Variants in PFAS observed in about 807,000 individuals in gnomAD.
PFAS encodes phosphoribosylformylglycinamidine synthase.
In PFAS, 97 loss-of-function variants were observed where a neutral mutation model predicts 140.6. The observed-to-expected ratio is 0.69, with a 90% CI of 0.59 to 0.82. PFAS has a LOEUF of 0.82. Among genes scored for constraint, PFAS ranks in the 40% least tolerant of loss-of-function variants. PFAS has a pLI of 0.00. For missense variants in PFAS, 1,656 were observed against 1,780.2 expected (o/e 0.93, Z 1.26); for synonymous variants, 679 against 718.8 (o/e 0.94, Z 0.88).
chr17:8,257,785 G>C, intron 9 of PFAS, 22 bp from the exon 10 acceptor site: 2 of 1,613,526 alleles, frequency 1.2e-6, no homozygotes, highest in African/African-American at 1.3e-5. Flanking sequence ...AGTTCATCCA[G>C]TTCTCTCTCC....
Position 8,266,925 on chromosome 17 carries a change from T to A in PFAS, c.2967+27T>A, listed in dbSNP as rs769810583. On this transcript the variant is annotated intron_variant, in intron 23 of 27. Transcript: ENST00000314666. The surrounding 1 kb of genome is among the most constrained non-coding windows in gnomAD (Gnocchi z 5.0). Reference sequence around the variant, plus strand: ...TGAGGAAGTGAGGGAGAGAGCGGTGTGCAGTGGGCAGTCAGAGTGGGGTGG... The same window carrying A: ...TGAGGAAGTGAGGGAGAGAGCGGTGAGCAGTGGGCAGTCAGAGTGGGGTGG... The A allele has an allele frequency of 6.9e-6, 11 of 1,598,768 alleles. No individual in the cohort carries two copies. Among genetic ancestry groups the A allele is most frequent in the Non-Finnish European group, 9.4e-6 (11 of 1,175,186 alleles).
intron 2 of PFAS, 22 bp from the exon 3 acceptor site, chr17:8,254,144 T>C (rs1989265600): frequency 6.2e-7 from 1 of 1,614,058 alleles, no homozygotes; most frequent in Non-Finnish European, 8.5e-7. Flanking sequence ...TCTCAAGGTG[T>C]CCTTGCCCTG....
Position 8,263,111 on chromosome 17 carries a change from G to A in PFAS, c.1413G>A (p.Val471=). ...AGCTATGCCATATATGCCCCCAGGT[G>A]CAGGGAGATAACACCAGTGACCTGG... ...VGGGAASSVQ[V]QGDNTSDLDF... Residue 471 remains valine (V), a splice_region_variant and synonymous_variant, in exon 13 of 28, where the codon GTG becomes GTA. Transcript: ENST00000314666. 3 of 1,613,912 alleles carry A rather than the reference G, an allele frequency of 1.9e-6. No individual in the cohort carries two copies. The highest frequency in any genetic ancestry group is 2.5e-6 in the Non-Finnish European group (3 of 1,179,782).
rs1989390305 is a variant in PFAS, at chr17:8,256,896, C to T, written c.1008C>T (p.Cys336=). The change falls in exon 9 of 28, where the codon TGC becomes TGT. Residue 336 remains cysteine, a synonymous_variant. Coordinates refer to ENST00000314666, the MANE Select transcript of PFAS (RefSeq NM_012393.3). Reference sequence around the variant, plus strand: ...GGGGCCGGATTCGAGATGTCCAGTGCACAGGCCGCGGGGCCCACGTGGTGG... The same window carrying T: ...GGGGCCGGATTCGAGATGTCCAGTGTACAGGCCGCGGGGCCCACGTGGTGG... ...GTGGRIRDVQ[C]TGRGAHVVAG... is the part of the protein sequence containing the mutation. 6.2e-7 allele frequency: 1 copy of T among 1,614,014 alleles called. No homozygotes were observed. Among genetic ancestry groups the T allele is most frequent in the Middle Eastern group, 1.7e-4 (1 of 6,060 alleles).
At chr17:8,248,032 G>A, upstream of PFAS, 1 of 1,428,298 alleles carries the variant, frequency 7.0e-7, no homozygotes, top group Middle Eastern at 2.0e-4. Context: ...CCGGCCAGCC[G>A]CCATGATGCG....
At chr17:8,259,114 C>T (rs1385794772) in intron 11 of PFAS, among the ~76,000 whole-genome samples, 2 of 142,278 alleles carry the variant, frequency 1.4e-5, no homozygotes, top group Non-Finnish European at 3.1e-5. Context: ...CCACTGCGAT[C>T]GCACCACTGT....
chr17:8,268,372 C>CAA (rs372234499), intron 26 of PFAS, among the ~76,000 whole-genome samples, 161 bp from the exon 27 acceptor site: 3 of 40,898 alleles, frequency 7.3e-5, no homozygotes, highest in African/African-American at 1.9e-4. Context: ...GATTCCATCT[C>CAA]AAAAAAAAAA....
rs1989680976 is a variant in PFAS at position 8,263,575 on chromosome 17, G to A, written c.1568G>A (p.Gly523Asp). The A allele has an allele frequency of 1.2e-6, 2 of 1,613,664 alleles. No individual in the cohort carries two copies. The highest frequency in any genetic ancestry group is 1.7e-6 in the Non-Finnish European group (2 of 1,179,614). Reference sequence around the variant, plus strand: ...CTTCTCCTTGCAACCCTCTCACCAGGCAATGTCCTAAAAGAGCTGAGTGAC... The same window carrying A: ...CTTCTCCTTGCAACCCTCTCACCAGACAATGTCCTAAAAGAGCTGAGTGAC... ...SLHDQGAGGN[G>D]NVLKELSDPA... Residue 523 changes from glycine (G) to aspartate (D), a missense_variant and splice_region_variant, in exon 14 of 28, where the codon GGC becomes GAC. By Grantham distance (94) the Gly-to-Asp change is moderately conservative (BLOSUM62 -1). Transcript: ENST00000314666.
At chr17:8,253,632 C>T (rs1167929150) in intron 1 of PFAS, among the ~76,000 whole-genome samples, 1 of 152,100 alleles carries the variant, frequency 6.6e-6, no homozygotes, top group East Asian at 1.9e-4. Flanking sequence ...CTCTGCCTCC[C>T]GGGTTCAAGC....
rs562153647 is a variant in PFAS at position 8,267,960 on chromosome 17, A to G, written c.3382+295A>G. ...TATATTATTTATATATTATTAAAAT[A>G]TATATTATTTATATATATTATTTAT... On this transcript the variant is annotated intron_variant, in intron 26 of 27. Transcript: ENST00000314666. This position sits in a 1 kb window ranked among gnomAD's most constrained non-coding sequence, Gnocchi z 4.9. Among the ~76,000 whole-genome samples, 1,034 of 143,760 alleles carry G rather than the reference A, an allele frequency of 7.2e-3. 5 individuals carry two copies. Among genetic ancestry groups the G allele is most frequent in the Non-Finnish European group, 0.011 (730 of 65,916 alleles). 94.3% of individuals were successfully genotyped at this position (143,760 alleles called of 152,430 possible).
chr17:8,247,613 T>C (rs1212290258), upstream of PFAS: 1 of 184,058 alleles, frequency 5.4e-6, no homozygotes, highest in African/African-American at 2.4e-5. Flanking sequence ...CCAGCCCCTT[T>C]CGGCGCTTTT....
upstream of PFAS, chr17:8,247,945 G>C: frequency 6.5e-7 from 1 of 1,546,988 alleles, no homozygotes; most frequent in Non-Finnish European, 8.9e-7. Flanking sequence ...AATAGGAAGA[G>C]AAAGAGTATC....
chr17:8,267,700 C>T lies in PFAS; in HGVS notation c.3382+35C>T. Reference sequence around the variant, plus strand: ...CAGGCTTCTGCCCACTCCCTTCCCCCACATTCCTGAAGAGGTGCCTTTAGC... The same window carrying T: ...CAGGCTTCTGCCCACTCCCTTCCCCTACATTCCTGAAGAGGTGCCTTTAGC... On this transcript the variant is annotated intron_variant, in intron 26 of 27. Transcript: ENST00000314666. The surrounding 1 kb of genome is among the most constrained non-coding windows in gnomAD (Gnocchi z 4.9). 8.2e-7 allele frequency: 1 copy of T among 1,216,412 alleles called. No individual in the cohort carries two copies. Among genetic ancestry groups the T allele is most frequent in the Non-Finnish European group, 1.2e-6 (1 of 830,230 alleles). 75.4% of individuals were successfully genotyped at this position (1,216,412 alleles called of 1,614,324 possible).
intron 1 of PFAS, among the ~76,000 whole-genome samples, chr17:8,250,720 A>G (rs1266560847): frequency 6.6e-6 from 1 of 152,216 alleles, no homozygotes; most frequent in African/African-American, 2.4e-5. Flanking sequence ...ACTGGAGGTC[A>G]ATACACCAAG....
rs1989694798 is a variant in PFAS, at chr17:8,263,807, C to G, written c.1662C>G (p.Ile554Met). Residue 554 changes from isoleucine to methionine, a missense_variant, in exon 15 of 28, where the codon ATC becomes ATG. This residue lies in a region of PFAS where 773 missense variants were observed against 757.3 expected (regional missense o/e 1.02). Transcript: ENST00000314666. ...LGDPTLNALE[I>M]WGAEYQESNA... The stretch of plus-strand genomic sequence containing the variant: ...ACCCAACCCTGAATGCCCTGGAAAT[C>G]TGGGGGGCTGAGTACCAGGAATCAA... 4 of 1,614,126 alleles carry G rather than the reference C, an allele frequency of 2.5e-6. No individual in the cohort carries two copies. The highest frequency in any genetic ancestry group is 3.4e-6 in the Non-Finnish European group (4 of 1,179,980).
chr17:8,254,569 C>T (rs531933858), intron 3 of PFAS, among the ~76,000 whole-genome samples: 15 of 152,100 alleles, frequency 9.9e-5, no homozygotes, highest in African/African-American at 2.4e-4. Flanking sequence ...TTTGGGAGGC[C>T]GAGGTGGGGC....
Position 8,257,796 on chromosome 17 carries a change from T to C in PFAS, c.1076-11T>C. The C allele has an allele frequency of 6.2e-7, 1 of 1,613,636 alleles. No individual in the cohort carries two copies. The highest frequency in any genetic ancestry group is 8.5e-7 in the Non-Finnish European group (1 of 1,179,554). ...ATTCAGTTCATCCAGTTCTCTCTCC[T>C]TCCCTCCCAGGTTACAATCTGCCCT... is the stretch of plus-strand genomic sequence containing the variant. On this transcript the variant is annotated splice_polypyrimidine_tract_variant and intron_variant, in intron 9 of 27. Coordinates refer to ENST00000314666, the MANE Select transcript of PFAS (RefSeq NM_012393.3).
In PFAS at chr17:8,266,092, G is replaced by A. The variant is rs1004585829; in HGVS notation, c.2701+75G>A. 3.3e-6 allele frequency: 5 copies of A among 1,531,618 alleles called. No homozygotes were observed. The African/African-American group carries it at 4.1e-5, about 13-fold the overall frequency. The allele number at this position is 1,531,618 out of a possible 1,614,324, so 94.9% of individuals were successfully genotyped here. On this transcript the variant is annotated intron_variant, in intron 21 of 27. Coordinates refer to ENST00000314666, the MANE Select transcript of PFAS (RefSeq NM_012393.3). This position sits in a 1 kb window ranked among gnomAD's most constrained non-coding sequence, Gnocchi z 5.0. ...CAGGCGTTCACCATCTGAGCAGTGG[G>A]GCAAAAGGGACTCCAATGGACGATG...
At chr17:8,258,247 CA>C (rs1165403446) in intron 11 of PFAS, 48 bp downstream of exon 11, 59 of 1,605,586 alleles carry the variant, frequency 3.7e-5, no homozygotes, top group Non-Finnish European at 4.9e-5. Flanking sequence ...TTCTCCCCAG[CA>C]CAGGATGGCT....
Sources: gnomAD v4.1 joint callset for allele counts (sites outside exome capture counted in the v4.1 genomes callset) on GRCh38, gnomAD v4.1.1 for gene constraint, gnomAD v4.1.1 regional missense constraint, Gnocchi (gnomAD v3.1) non-coding constraint, MANE v1.5 for transcripts, NCBI Gene and HGNC (gene_info 2026-07-23, HGNC 2026-07-21) for gene names.